Variants in RUNDC1 observed in about 807,000 individuals in gnomAD.
RUNDC1 encodes RUN domain-containing protein 1.
Under a neutral mutation model 49.3 loss-of-function variants are expected in RUNDC1, and 31 were observed. The ratio of observed to expected loss-of-function variants is 0.63; its 90% CI spans 0.47 to 0.85. The LOEUF is 0.85. Ranked by LOEUF, RUNDC1 falls within the 40% of genes least tolerant of loss-of-function variation. The pLI is 0.00. For missense variants in RUNDC1, 715 were observed against 806.7 expected (o/e 0.89, Z 1.38); for synonymous variants, 347 against 348.6 (o/e 1.00, Z 0.05).
Position 42,980,809 on chromosome 17 carries a change from G to A in RUNDC1, c.233G>A (p.Arg78Gln), listed in dbSNP as rs1192535259. ...APGSPPDSPG[R>Q]TLRRLRAERR... is the part of the protein sequence containing the mutation. ...GGCTCCCCGCCGGATTCGCCGGGCC[G>A]GACGCTGCGGCGGCTGCGGGCAGAG... Residue 78 changes from arginine to glutamine, a missense_variant, in exon 1 of 5, where the codon CGG becomes CAG. Arg to Gln is a conservative substitution (Grantham distance 43, BLOSUM62 1). Around this residue, in one of 5 missense-constraint regions of RUNDC1, gnomAD observed 153 missense variants for 139.4 expected, o/e 1.10. Transcript: ENST00000361677. The A allele has an allele frequency of 2.6e-5, 36 of 1,380,186 alleles. No homozygotes were observed. The highest frequency in any genetic ancestry group is 1.2e-4 in the South Asian group (7 of 59,040). 85.5% of individuals were successfully genotyped at this position (1,380,186 alleles called of 1,614,324 possible). A position where few individuals can be genotyped will look rare whatever the true frequency, so the allele number is the denominator to read the frequency against.
Position 42,989,553 on chromosome 17 carries a change from A to T in RUNDC1, c.856+14A>T. 1 of 1,609,362 alleles carries T rather than the reference A, an allele frequency of 6.2e-7. No individual in the cohort carries two copies. Among genetic ancestry groups the T allele is most frequent in the Non-Finnish European group, 8.5e-7 (1 of 1,175,678 alleles). ...ACTTCATCCAAGGTTAGAGGAGGGGATGGGATGAGAAGGGTGGACAGGTGT... is the reference window on the plus strand; with the variant it reads ...ACTTCATCCAAGGTTAGAGGAGGGGTTGGGATGAGAAGGGTGGACAGGTGT... On this transcript the variant is annotated intron_variant, in intron 3 of 4. Coordinates refer to ENST00000361677, the MANE Select transcript of RUNDC1 (RefSeq NM_173079.5).
At chr17:42,986,461 A>G (rs186118558) in intron 1 of RUNDC1, among the ~76,000 whole-genome samples, 1 of 151,994 alleles carries the variant, frequency 6.6e-6, no homozygotes, top group African/African-American at 2.4e-5. Flanking sequence ...TCGTACATCA[A>G]AGGGACTTTG....
In RUNDC1 at chr17:42,990,309, G is replaced by C; in HGVS notation, c.857-8G>C. On this transcript the variant is annotated splice_region_variant and splice_polypyrimidine_tract_variant and intron_variant, in intron 3 of 4. Transcript: ENST00000361677. ...AATAAGTGTCTCTTCTATAATTTCT[G>C]ATTCCAGATGAAGTGGGAAGCCCCT... 6.2e-7 allele frequency: 1 copy of C among 1,613,314 alleles called. No homozygotes were observed.
chr17:42,990,576 T>C, intron 4 of RUNDC1, 140 bp downstream of exon 4: 1 of 932,948 alleles, frequency 1.1e-6, no homozygotes, highest in Non-Finnish European at 1.6e-6. Context: ...GGATGAAATA[T>C]TCTAAAATTG....
intron 2 of RUNDC1, among the ~76,000 whole-genome samples, chr17:42,988,306 G>A (rs897878154): frequency 6.7e-6 from 1 of 149,622 alleles, no homozygotes; most frequent in Non-Finnish European, 1.5e-5. Flanking sequence ...AGGCTGGAGT[G>A]CAGTGGCATG....
chr17:42,985,042 C>T (rs1024978760), intron 1 of RUNDC1, among the ~76,000 whole-genome samples: 12 of 151,726 alleles, frequency 7.9e-5, no homozygotes, highest in African/African-American at 1.9e-4. Flanking sequence ...ATTACAGGCA[C>T]GTGCCACCAC....
At chr17:42,985,295 C>A (rs1369763027) in intron 1 of RUNDC1, among the ~76,000 whole-genome samples, 1 of 152,184 alleles carries the variant, frequency 6.6e-6, no homozygotes, top group Non-Finnish European at 1.5e-5. Context: ...AACCTTTGTC[C>A]TTAAGGAGTT....
intron 4 of RUNDC1, 76 bp from the exon 5 acceptor site, chr17:42,990,775 T>C: frequency 2.0e-6 from 3 of 1,500,402 alleles, no homozygotes; most frequent in Non-Finnish European, 2.7e-6. Context: ...CAGACTGATC[T>C]CAGCCTGTGA....
intron 1 of RUNDC1, among the ~76,000 whole-genome samples, 181 bp from the exon 2 acceptor site, chr17:42,987,075 C>A (rs1225535555): frequency 1.3e-5 from 2 of 152,178 alleles, no homozygotes; most frequent in African/African-American, 4.8e-5. Flanking sequence ...ACCCATTTGA[C>A]AAATTGCCTA....
chr17:42,980,628 G>C lies in RUNDC1; in HGVS notation c.52G>C (p.Gly18Arg). The change falls in exon 1 of 5, where the codon GGG becomes CGG. Residue 18 changes from glycine (G) to arginine (R), a missense_variant. Around this residue, in one of 5 missense-constraint regions of RUNDC1, gnomAD observed 153 missense variants for 139.4 expected, o/e 1.10. Transcript: ENST00000361677. ...GCCGGTAACGGTGGTGGCGGCTGTT[G>C]GGCCAAAGGCGAAAGACGAAGAGGA... ...AEPVTVVAAV[G>R]PKAKDEEEEE... is the part of the protein sequence containing the mutation. 3 of 1,607,566 alleles carry C rather than the reference G, an allele frequency of 1.9e-6. No individual in the cohort carries two copies. The highest frequency in any genetic ancestry group is 2.5e-6 in the Non-Finnish European group (3 of 1,178,632).
Position 42,991,852 on chromosome 17 carries a change from A to T in RUNDC1, c.*136A>T. On this transcript the variant is annotated 3_prime_UTR_variant, in exon 5 of 5. Coordinates refer to ENST00000361677, the MANE Select transcript of RUNDC1 (RefSeq NM_173079.5). ...CCCTGCTCAGGCAGTCGGCCAAATG[A>T]GTGCAAAGTCTGTTTTCCCCACCAA... 1.1e-6 allele frequency: 1 copy of T among 888,918 alleles called. No homozygotes were observed. Among genetic ancestry groups the T allele is most frequent in the Middle Eastern group, 2.5e-4 (1 of 3,986 alleles). 55.1% of individuals were successfully genotyped at this position (888,918 alleles called of 1,614,324 possible).
chr17:42,982,266 A>C (rs562659462), intron 1 of RUNDC1, among the ~76,000 whole-genome samples: 15 of 152,214 alleles, frequency 9.9e-5, no homozygotes, highest in Admixed American at 4.6e-4. Context: ...GGATTAGAGA[A>C]GTGAGCCACC....
intron 2 of RUNDC1, among the ~76,000 whole-genome samples, chr17:42,988,022 G>A (rs1412986048): frequency 6.6e-6 from 1 of 152,150 alleles, no homozygotes; most frequent in African/African-American, 2.4e-5. Context: ...AAAGTGCTGG[G>A]ATTACAGGCG....
chr17:42,986,151 C>T (rs982813005), intron 1 of RUNDC1, among the ~76,000 whole-genome samples: 6 of 121,614 alleles, frequency 4.9e-5, no homozygotes, highest in Non-Finnish European at 7.6e-5. Flanking sequence ...CATGCCACCA[C>T]GCCTGGCTAA....
chr17:42,988,378 G>A (rs56373800), intron 2 of RUNDC1, among the ~76,000 whole-genome samples: 2 of 151,416 alleles, frequency 1.3e-5, no homozygotes, highest in Admixed American at 6.6e-5. Flanking sequence ...TCAGCCTCCC[G>A]AGTAGTTGAG....
chr17:42,991,748 G>C lies in RUNDC1; in HGVS notation c.*32G>C, dbSNP rs776720498. On this transcript the variant is annotated 3_prime_UTR_variant, in exon 5 of 5. Transcript: ENST00000361677. ...TGCCCTAACCCCAGACAAGCTCCTT[G>C]TTCAGTAGGGATAGATGTGCTAGTC... 1.1e-5 allele frequency: 18 copies of C among 1,581,414 alleles called. No individual in the cohort carries two copies. The highest frequency in any genetic ancestry group is 1.5e-5 in the Non-Finnish European group (17 of 1,164,974).
intron 1 of RUNDC1, among the ~76,000 whole-genome samples, chr17:42,982,345 A>G (rs1050572799): frequency 5.3e-5 from 8 of 152,008 alleles, no homozygotes; most frequent in Admixed American, 3.3e-4. Flanking sequence ...TCCCACTTAC[A>G]TTGGTTTTAG....
At chr17:42,981,211 G>A in intron 1 of RUNDC1, 137 bp downstream of exon 1, 1 of 1,191,672 alleles carries the variant, frequency 8.4e-7, no homozygotes, top group Non-Finnish European at 1.1e-6. Context: ...GGAGACCAGG[G>A]GACTGGAGTG....
chr17:42,990,285 A>G, intron 3 of RUNDC1, 32 bp from the exon 4 acceptor site: 2 of 1,611,242 alleles, frequency 1.2e-6, no homozygotes, highest in Non-Finnish European at 1.7e-6. Flanking sequence ...AAAGGGCTAA[A>G]TAAGTGTCTC....
Sources: gnomAD v4.1 joint callset for allele counts (sites outside exome capture counted in the v4.1 genomes callset) on GRCh38, gnomAD v4.1.1 for gene constraint, gnomAD v4.1.1 regional missense constraint, MANE v1.5 for transcripts, NCBI Gene and HGNC (gene_info 2026-07-23, HGNC 2026-07-21) for gene names.